Variants in PCDH15 observed in about 807,000 individuals in gnomAD.
PCDH15 encodes the protein protocadherin-15.
Under a neutral mutation model 178.5 loss-of-function variants are expected in PCDH15, and 129 were observed. That is an observed-to-expected ratio of 0.72 (90% CI 0.63 to 0.84). PCDH15 has a LOEUF of 0.84. Among genes scored for constraint, PCDH15 ranks in the 40% least tolerant of loss-of-function variants. The probability of loss-of-function intolerance (pLI) is 0.00; values close to 1 mark genes in which losing one functional copy is unlikely to be tolerated. For synonymous variants in PCDH15, 800 were observed against 732.0 expected, an observed-to-expected ratio of 1.09 and a Z score of -1.50; for missense variants, 2,230 against 2,099.9, an observed-to-expected ratio of 1.06 and a Z score of -1.21.
chr10:54,966,268 T>C (rs916790767), intron 2 of PCDH15, among the ~76,000 whole-genome samples: 9 of 152,066 alleles, frequency 5.9e-5, no homozygotes, highest in Non-Finnish European at 1.3e-4. Flanking sequence ...AAAGAATAGC[T>C]AGTTTCTGTT....
intron 1 of PCDH15, among the ~76,000 whole-genome samples, chr10:55,222,730 C>CACACACACATATATATATAT: frequency 8.2e-6 from 1 of 121,280 alleles, no homozygotes; most frequent in South Asian, 2.6e-4. Flanking sequence ...CACACACACA[C>CACACACACATATATATATAT]ATATATATAT....
chr10:54,405,306 T>C (rs182356475), intron 3 of PCDH15, among the ~76,000 whole-genome samples: 29 of 152,088 alleles, frequency 1.9e-4, no homozygotes, highest in Admixed American at 1.4e-3. Flanking sequence ...TAAACCAAAC[T>C]TGGAATGCGG....
At chr10:54,507,696 A>C in intron 3 of PCDH15, among the ~76,000 whole-genome samples, 1 of 151,986 alleles carries the variant, frequency 6.6e-6, no homozygotes, top group East Asian at 1.9e-4. Flanking sequence ...AAGGTAAGTA[A>C]GTTTCCCAAG....
At chr10:54,255,383 C>T (rs2056818402) in intron 8 of PCDH15, among the ~76,000 whole-genome samples, 1 of 152,148 alleles carries the variant, frequency 6.6e-6, no homozygotes, top group Non-Finnish European at 1.5e-5. Flanking sequence ...CAGTTCTCTT[C>T]ACTTAGAACT....
At chr10:55,186,298 A>T (rs1839798377) in intron 1 of PCDH15, among the ~76,000 whole-genome samples, 1 of 149,914 alleles carries the variant, frequency 6.7e-6, no homozygotes, top group African/African-American at 2.4e-5. Flanking sequence ...ACAATATTTA[A>T]AAAAAAACTT....
intron 10 of PCDH15, 104 bp from the exon 11 acceptor site, chr10:54,195,993 T>C: frequency 1.0e-6 from 1 of 990,430 alleles, no homozygotes; most frequent in East Asian, 2.6e-5. Flanking sequence ...TTAACTAATA[T>C]CATCACATAA....
At chr10:55,197,730 A>G (rs1329347530) in intron 1 of PCDH15, among the ~76,000 whole-genome samples, 1 of 152,102 alleles carries the variant, frequency 6.6e-6, no homozygotes, top group East Asian at 1.9e-4. Context: ...TATTCCTGGT[A>G]AGTACATTAT....
At chr10:53,825,166 G>GAAAACATGTGAT in intron 32 of PCDH15, 5 of 1,526,708 alleles carry the variant, frequency 3.3e-6, no homozygotes, top group Non-Finnish European at 4.4e-6. Context: ...GTGAGAAACA[G>GAAAACATGTGAT]AAAACATGTG....
At chr10:54,917,595 A>G (rs1247655580) in intron 2 of PCDH15, among the ~76,000 whole-genome samples, 1 of 152,208 alleles carries the variant, frequency 6.6e-6, no homozygotes, top group East Asian at 1.9e-4. Context: ...CAAGTGAAAC[A>G]GCTTCTGGGA....
chr10:54,605,774 C>G (rs2092715747), intron 2 of PCDH15: 1 of 152,170 alleles, frequency 6.6e-6, no homozygotes, highest in Admixed American at 6.6e-5. Context: ...CTCATTCAAA[C>G]CACAGACTTT....
chr10:55,273,331 G>A (rs1006649501), intron 1 of PCDH15, among the ~76,000 whole-genome samples: 3 of 152,044 alleles, frequency 2.0e-5, no homozygotes, highest in Non-Finnish European at 2.9e-5. Flanking sequence ...TGCTCTAAAA[G>A]AAAAATGAAT....
At chr10:55,073,616 T>C (rs867126542) in intron 2 of PCDH15, among the ~76,000 whole-genome samples, 69 of 152,162 alleles carry the variant, frequency 4.5e-4, no homozygotes, top group African/African-American at 1.7e-3. Context: ...TTCTTTCTCG[T>C]TGTGCCTTTG....
In PCDH15 at chr10:54,374,128, T is replaced by A. The variant is rs539336787; in HGVS notation, c.318+4654A>T. Among the ~76,000 whole-genome samples, 73 of 152,182 alleles carry A rather than the reference T, an allele frequency of 4.8e-4. 1 individual carries two copies. The South Asian group carries it at 0.015, about 31-fold the overall frequency. On this transcript the variant is annotated intron_variant, in intron 4 of 37. Transcript: ENST00000644397. ...CACTCTGGTTGTAGAATAGGTTGAA[T>A]CAAGACAGGTGGTAGACAACAATTA...
At chr10:54,111,440 C>T (rs1274635452) in intron 15 of PCDH15, among the ~76,000 whole-genome samples, 1 of 151,814 alleles carries the variant, frequency 6.6e-6, no homozygotes, top group African/African-American at 2.4e-5. Flanking sequence ...CAAGAAACAA[C>T]AAAAATTCTC....
intron 2 of PCDH15, among the ~76,000 whole-genome samples, chr10:55,369,952 T>C (rs1428262215): frequency 6.6e-6 from 1 of 151,726 alleles, no homozygotes; most frequent in African/African-American, 2.4e-5. Context: ...GTAATGGCAA[T>C]AGCTTGAAAA....
intron 2 of PCDH15, among the ~76,000 whole-genome samples, chr10:55,034,926 A>G (rs1340875970): frequency 1.3e-5 from 2 of 152,194 alleles, no homozygotes; most frequent in East Asian, 3.8e-4. Flanking sequence ...TGGAAAAGAT[A>G]TTGTAATGAG....
chr10:54,431,554 A>G (rs1390369483), intron 3 of PCDH15, among the ~76,000 whole-genome samples: 1 of 152,206 alleles, frequency 6.6e-6, no homozygotes, highest in Admixed American at 6.5e-5. Flanking sequence ...AATGTTCAAC[A>G]ACCTTTCATG....
At chr10:53,807,445 A>C (rs960516320) in intron 37 of PCDH15, among the ~76,000 whole-genome samples, 7 of 152,148 alleles carry the variant, frequency 4.6e-5, no homozygotes, top group African/African-American at 1.7e-4. Context: ...TTATTTAAGG[A>C]GCTGATCCAC....
At chr10:53,915,208 C>G (rs554312774) in intron 25 of PCDH15, among the ~76,000 whole-genome samples, 1 of 152,246 alleles carries the variant, frequency 6.6e-6, no homozygotes, top group African/African-American at 2.4e-5. Flanking sequence ...AGTGTGCCCA[C>G]TAGACAGAAT....
Sources: gnomAD v4.1 joint callset for allele counts (sites outside exome capture counted in the v4.1 genomes callset) on GRCh38, gnomAD v4.1.1 for gene constraint, MANE v1.5 for transcripts, NCBI Gene and HGNC (gene_info 2026-07-23, HGNC 2026-07-21) for gene names.